The following KCNJ6 variants were observed in gnomAD, a reference collection of about 807,000 sequenced individuals.
KCNJ6 encodes potassium inwardly rectifying channel subfamily J member 6.
KCNJ6 carries 9 observed loss-of-function variants against 34.2 expected under a neutral mutation model. That is an observed-to-expected ratio of 0.26 (90% CI 0.16 to 0.46). The LOEUF is 0.46. KCNJ6 is among the 20% of genes least tolerant of loss of function. The probability of loss-of-function intolerance (pLI) is 1.00; values close to 1 mark genes in which losing one functional copy is unlikely to be tolerated. For missense variants in KCNJ6, 236 were observed against 531.3 expected (o/e 0.44, Z 5.46); for synonymous variants, 196 against 207.1 (o/e 0.95, Z 0.46).
In KCNJ6 at chr21:37,639,895, T is replaced by A. The variant is rs908501801; in HGVS notation, c.947-14411A>T. ...TCCAGCCATGTAAGACATACCTGCT[T>A]CCCCTTCCCCTTCTGCCATGATTGT... On this transcript the variant is annotated intron_variant, in intron 3 of 3. Coordinates refer to ENST00000609713, the MANE Select transcript of KCNJ6 (RefSeq NM_002240.5). Among the ~76,000 whole-genome samples, 3 of 152,276 alleles carry A rather than the reference T, an allele frequency of 2.0e-5. No homozygotes were observed. The South Asian group carries it at 6.2e-4, about 32-fold the overall frequency.
chr21:37,771,269 G>A (rs1371175555), intron 2 of KCNJ6, among the ~76,000 whole-genome samples: 1 of 152,136 alleles, frequency 6.6e-6, no homozygotes, highest in African/African-American at 2.4e-5. Context: ...ATAATCAGTT[G>A]ACTTTGAGTG....
At chr21:37,883,755 A>G (rs561668377) in intron 1 of KCNJ6, among the ~76,000 whole-genome samples, 2 of 152,296 alleles carry the variant, frequency 1.3e-5, no homozygotes, top group East Asian at 1.9e-4. Context: ...TGTGTTCAAA[A>G]TTGTTCAGAT....
intron 1 of KCNJ6, among the ~76,000 whole-genome samples, chr21:37,842,821 C>T (rs1251011185): frequency 6.6e-6 from 1 of 152,202 alleles, no homozygotes; most frequent in African/African-American, 2.4e-5. Context: ...AAAGCTGTTC[C>T]ATGGCAGGGA....
intron 2 of KCNJ6, among the ~76,000 whole-genome samples, chr21:37,765,896 TATA>T (rs1221088915): frequency 1.3e-5 from 2 of 152,248 alleles, no homozygotes; most frequent in African/African-American, 4.8e-5. Context: ...ATGTAAAATT[TATA>T]ATAAAATTAT....
rs2055284734 is a variant in KCNJ6, at chr21:37,804,615, CCT to C, written c.25+36041_25+36042del. ...AATAGGCTCCAGTAGAGGTTGTTCC[CCT>C]CTGTGTGTCCATGTATTATCATTTA... is the stretch of plus-strand genomic sequence containing the variant. On this transcript the variant is annotated intron_variant, in intron 2 of 3. Transcript: ENST00000609713. 2.0e-5 allele frequency among the ~76,000 whole-genome samples: 3 copies of C among 152,088 alleles called. No homozygotes were observed. In the South Asian group the frequency reaches 6.2e-4, roughly 31 times the overall value.
chr21:37,738,342 TCC>T (rs3061023), intron 2 of KCNJ6, among the ~76,000 whole-genome samples: 148,656 of 152,290 alleles, frequency 0.98, 72,590 homozygotes, highest in East Asian at 1. Flanking sequence ...TCCATGCTTC[TCC>T]CCCCTGGGGC....
chr21:37,849,113 T>C (rs1174008392), intron 1 of KCNJ6, among the ~76,000 whole-genome samples: 1 of 152,164 alleles, frequency 6.6e-6, no homozygotes, highest in Non-Finnish European at 1.5e-5. Flanking sequence ...TCCAGGTAAC[T>C]GGAGCATACA....
chr21:37,845,588 T>C (rs893580646), intron 1 of KCNJ6, among the ~76,000 whole-genome samples: 1 of 152,232 alleles, frequency 6.6e-6, no homozygotes, highest in Admixed American at 6.5e-5. Context: ...AATGAGACAA[T>C]GTATATAAAT....
At position 37,626,662 on chromosome 21, in the gene KCNJ6, A is replaced by C. The variant is rs908215225; in HGVS notation, c.947-1178T>G. Among the ~76,000 whole-genome samples, 54 of 152,310 alleles carry C rather than the reference A, an allele frequency of 3.5e-4. 1 individual carries two copies. The highest frequency in any genetic ancestry group is 1.3e-3 in the African/African-American group (52 of 41,562). On this transcript the variant is annotated intron_variant, in intron 3 of 3. Transcript: ENST00000609713. ...TTAAAATTTTTTTCTGAGGTCAAAG[A>C]AATCTTTTATACAAATTCTCAGGAA...
intron 3 of KCNJ6, among the ~76,000 whole-genome samples, chr21:37,691,343 C>T (rs972809769): frequency 6.6e-6 from 1 of 152,154 alleles, no homozygotes; most frequent in Non-Finnish European, 1.5e-5. Flanking sequence ...AGACATCTCC[C>T]TCCCCTCCCT....
At chr21:37,840,732 A>C (rs2055476311) in intron 1 of KCNJ6, 23 bp from the exon 2 acceptor site, 1 of 1,334,086 alleles carries the variant, frequency 7.5e-7, no homozygotes, top group Non-Finnish European at 1.1e-6. Context: ...AGAAAAGACA[A>C]TTATCTGTAA....
At chr21:37,764,013 G>A (rs1396609092) in intron 2 of KCNJ6, among the ~76,000 whole-genome samples, 1 of 151,744 alleles carries the variant, frequency 6.6e-6, no homozygotes, top group Non-Finnish European at 1.5e-5. Flanking sequence ...ATACTCAAAG[G>A]CCATGTTTGT....
intron 1 of KCNJ6, among the ~76,000 whole-genome samples, chr21:37,881,479 GA>G (rs2055708050): frequency 1.3e-5 from 2 of 152,010 alleles, no homozygotes; most frequent in Non-Finnish European, 2.9e-5. Flanking sequence ...TGGAGAGAGA[GA>G]GAGAGAGAGA....
At chr21:37,668,615 C>T (rs1200452395) in intron 3 of KCNJ6, among the ~76,000 whole-genome samples, 1 of 152,158 alleles carries the variant, frequency 6.6e-6, no homozygotes, top group African/African-American at 2.4e-5. Flanking sequence ...ACACCTCGGC[C>T]CACAGCAGCA....
At chr21:37,772,220 C>T (rs902858054) in intron 2 of KCNJ6, among the ~76,000 whole-genome samples, 18 of 152,080 alleles carry the variant, frequency 1.2e-4, no homozygotes, top group East Asian at 3.8e-4. Flanking sequence ...ATATTCATGT[C>T]CTAATCTCAA....
chr21:37,730,445 C>G (rs1332301544), intron 2 of KCNJ6, among the ~76,000 whole-genome samples: 1 of 152,170 alleles, frequency 6.6e-6, no homozygotes, highest in Non-Finnish European at 1.5e-5. Context: ...ATAATAAGAC[C>G]TACCTTGAAG....
intron 2 of KCNJ6, among the ~76,000 whole-genome samples, chr21:37,746,894 T>G (rs1209641255): frequency 6.6e-6 from 1 of 152,200 alleles, no homozygotes; most frequent in Non-Finnish European, 1.5e-5. Context: ...TCCATCCAAA[T>G]AAATCCCAAG....
intron 3 of KCNJ6, among the ~76,000 whole-genome samples, chr21:37,644,022 C>T (rs2054392798): frequency 6.6e-6 from 1 of 152,164 alleles, no homozygotes; most frequent in African/African-American, 2.4e-5. Context: ...GGTACATATA[C>T]ACCATGGAAT....
intron 1 of KCNJ6, among the ~76,000 whole-genome samples, chr21:37,871,655 G>A (rs1288024939): frequency 6.6e-6 from 1 of 152,218 alleles, no homozygotes; most frequent in Non-Finnish European, 1.5e-5. Context: ...GTTGCCTGAA[G>A]AACAGTGTGC....
Sources: gnomAD v4.1 joint callset for allele counts (sites outside exome capture counted in the v4.1 genomes callset) on GRCh38, gnomAD v4.1.1 for gene constraint, MANE v1.5 for transcripts, NCBI Gene and HGNC (gene_info 2026-07-23, HGNC 2026-07-21) for gene names.